Variants in CCDC7 observed in about 807,000 individuals in gnomAD.
CCDC7 encodes the protein coiled-coil domain-containing protein 7.
In CCDC7, 183 loss-of-function variants were observed where a neutral mutation model predicts 196.9. The observed-to-expected ratio is 0.93, with a 90% CI of 0.82 to 1.05. CCDC7 has a LOEUF of 1.05. Among genes scored for constraint, CCDC7 ranks in the 50% least tolerant of loss-of-function variants. The pLI, the probability that CCDC7 is intolerant of heterozygous loss-of-function variation, is 0.00. For synonymous variants in CCDC7, 525 were observed against 484.6 expected, an observed-to-expected ratio of 1.08 and a Z score of -1.10; for missense variants, 1,540 against 1,482.2, an observed-to-expected ratio of 1.04 and a Z score of -0.64.
At chr10:32,456,840 A>T (rs539603892) in intron 3 of CCDC7, among the ~76,000 whole-genome samples, 1 of 152,230 alleles carries the variant, frequency 6.6e-6, no homozygotes, top group South Asian at 2.1e-4. Context: ...GAATACACTT[A>T]ATTTATTGCT....
At chr10:32,506,504 G>T (rs2135176779) in intron 9 of CCDC7, among the ~76,000 whole-genome samples, 1 of 152,324 alleles carries the variant, frequency 6.6e-6, no homozygotes, top group African/African-American at 2.4e-5. Context: ...AAGGCAGGTG[G>T]CTGGGAGGTG....
chr10:32,484,436 C>A (rs1165546200), intron 8 of CCDC7, among the ~76,000 whole-genome samples: 1 of 152,214 alleles, frequency 6.6e-6, no homozygotes, highest in African/African-American at 2.4e-5. Context: ...GTCATGTCAT[C>A]TGCAAACAGG....
At chr10:32,669,409 G>T (rs1025613438) in intron 21 of CCDC7, among the ~76,000 whole-genome samples, 21 of 152,060 alleles carry the variant, frequency 1.4e-4, no homozygotes, top group South Asian at 4.1e-4. Context: ...AAATGAGTTT[G>T]GAAGTGATCT....
chr10:32,462,832 A>AT (rs1282884661), intron 4 of CCDC7, 129 bp downstream of exon 5: 24 of 1,273,244 alleles, frequency 1.9e-5, no homozygotes, highest in Non-Finnish European at 2.6e-5. Context: ...ATATTTAAGA[A>AT]TTTTATGTTC....
intron 3 of CCDC7, among the ~76,000 whole-genome samples, chr10:32,457,151 C>T (rs2034538573): frequency 1.3e-5 from 2 of 152,096 alleles, no homozygotes; most frequent in Admixed American, 6.5e-5. Context: ...CTCCCTCACC[C>T]CTACCCTTTC....
At chr10:32,668,782 A>G (rs2073400476) in intron 21 of CCDC7, among the ~76,000 whole-genome samples, 1 of 152,080 alleles carries the variant, frequency 6.6e-6, no homozygotes, top group African/African-American at 2.4e-5. Context: ...ACAGTATTTT[A>G]TTGAGAATTT....
chr10:32,678,575 T>G (rs1232107989), intron 21 of CCDC7, among the ~76,000 whole-genome samples: 2 of 152,148 alleles, frequency 1.3e-5, no homozygotes, highest in Non-Finnish European at 2.9e-5. Context: ...CCTGCCTCTT[T>G]TTTTTGGTTT....
intron 24 of CCDC7, 25 bp downstream of exon 25, chr10:32,695,017 T>C: frequency 8.0e-7 from 1 of 1,249,218 alleles, no homozygotes; most frequent in Non-Finnish European, 1.1e-6. Flanking sequence ...TATAGATAAC[T>C]TAAAAATTTT....
chr10:32,474,449 C>T (rs1331926303), intron 8 of CCDC7, among the ~76,000 whole-genome samples: 1 of 151,142 alleles, frequency 6.6e-6, no homozygotes, highest in East Asian at 1.9e-4. Flanking sequence ...GTTGGCCAGG[C>T]TGGTCTTGAA....
chr10:32,514,726 A>T (rs1257898489), intron 9 of CCDC7: 1 of 152,270 alleles, frequency 6.6e-6, no homozygotes, highest in Admixed American at 6.5e-5. Flanking sequence ...GAAATGCAAG[A>T]CTTGGGCACT....
chr10:32,809,321 A>C (rs2086558035), intron 30 of CCDC7, among the ~76,000 whole-genome samples: 1 of 152,204 alleles, frequency 6.6e-6, no homozygotes, highest in African/African-American at 2.4e-5. Context: ...CAGATAAACA[A>C]TACAAAGAAA....
intron 22 of CCDC7, among the ~76,000 whole-genome samples, chr10:32,686,970 T>A (rs2076535554): frequency 6.6e-6 from 1 of 152,198 alleles, no homozygotes; most frequent in Non-Finnish European, 1.5e-5. Flanking sequence ...TGCAACCTGT[T>A]CCATATAAGA....
At chr10:32,558,342 C>T (rs572229625) in intron 13 of CCDC7, among the ~76,000 whole-genome samples, 14 of 152,128 alleles carry the variant, frequency 9.2e-5, no homozygotes, top group South Asian at 2.1e-4. Flanking sequence ...TAGGTAGCAG[C>T]TCACATTGCA....
intron 40 of CCDC7, among the ~76,000 whole-genome samples, chr10:32,852,948 G>A (rs1322590402): frequency 6.6e-6 from 1 of 152,134 alleles, no homozygotes; most frequent in Non-Finnish European, 1.5e-5. Flanking sequence ...GGCTTCAGTG[G>A]ATACAAAATA....
chr10:32,545,644 G>C (rs1359204118), intron 13 of CCDC7, among the ~76,000 whole-genome samples: 1 of 152,114 alleles, frequency 6.6e-6, no homozygotes, highest in Non-Finnish European at 1.5e-5. Context: ...GGTGGCTTAC[G>C]CCTGTAATAC....
chr10:32,836,923 T>G (rs1334142726), intron 33 of CCDC7, among the ~76,000 whole-genome samples: 1 of 152,082 alleles, frequency 6.6e-6, no homozygotes, highest in Non-Finnish European at 1.5e-5. Context: ...AAAAATTAAT[T>G]CAAGATGGAT....
chr10:32,744,483 T>C (rs1315946749), intron 28 of CCDC7, among the ~76,000 whole-genome samples: 1 of 152,228 alleles, frequency 6.6e-6, no homozygotes, highest in Non-Finnish European at 1.5e-5. Context: ...CTTTTCTGCA[T>C]TTATGTCAGT....
chr10:32,542,950 C>T (rs1328756812), intron 11 of CCDC7, among the ~76,000 whole-genome samples: 1 of 152,154 alleles, frequency 6.6e-6, no homozygotes, highest in African/African-American at 2.4e-5. Flanking sequence ...GCAAGATGTG[C>T]ACCTAACCCA....
chr10:32,633,277 A>G (rs924927738), intron 18 of CCDC7, among the ~76,000 whole-genome samples: 1 of 152,228 alleles, frequency 6.6e-6, no homozygotes, highest in Non-Finnish European at 1.5e-5. Flanking sequence ...ACATGCATAT[A>G]CATGCAAATA....
Sources: gnomAD v4.1 joint callset for allele counts (sites outside exome capture counted in the v4.1 genomes callset) on GRCh38, gnomAD v4.1.1 for gene constraint, MANE v1.5 for transcripts, NCBI Gene and HGNC (gene_info 2026-07-23, HGNC 2026-07-21) for gene names.